Variants in IMMP2L observed in about 807,000 individuals in gnomAD.
IMMP2L encodes mitochondrial inner membrane protease subunit 2.
Under a neutral mutation model 19.3 loss-of-function variants are expected in IMMP2L, and 18 were observed. The ratio of observed to expected loss-of-function variants is 0.93; its 90% confidence interval spans 0.64 to 1.38. IMMP2L has a LOEUF of 1.38. Ranked by LOEUF, IMMP2L falls within the 40% of genes most tolerant of loss-of-function variation. IMMP2L has a pLI of 0.00. For missense variants in IMMP2L, 233 were observed against 218.2 expected (o/e 1.07, Z -0.43); for synonymous variants, 76 against 73.0 (o/e 1.04, Z -0.21).
At chr7:110,786,818 T>A (rs979322512) in intron 5 of IMMP2L, among the ~76,000 whole-genome samples, 4 of 152,030 alleles carry the variant, frequency 2.6e-5, no homozygotes, top group African/African-American at 9.7e-5. Context: ...CCAAAGGGCA[T>A]GTTGGGAATT....
chr7:111,558,895 GTTC>G (rs1175136134), intron 1 of IMMP2L, among the ~76,000 whole-genome samples: 4 of 152,208 alleles, frequency 2.6e-5, no homozygotes, highest in South Asian at 2.1e-4. Flanking sequence ...AATACAATGG[GTTC>G]TTAAGTAAGG....
chr7:111,106,947 A>G (rs373283783), intron 3 of IMMP2L, among the ~76,000 whole-genome samples: 1 of 152,084 alleles, frequency 6.6e-6, no homozygotes, highest in Non-Finnish European at 1.5e-5. Flanking sequence ...CATTTCTAAT[A>G]TGTTATGCAT....
chr7:111,535,205 T>A (rs1184583302), intron 1 of IMMP2L, among the ~76,000 whole-genome samples: 1 of 152,006 alleles, frequency 6.6e-6, no homozygotes, highest in Non-Finnish European at 1.5e-5. Context: ...ATGTATGTCA[T>A]TAATAGGAGA....
At chr7:111,083,170 C>T (rs1445824758) in intron 3 of IMMP2L, among the ~76,000 whole-genome samples, 1 of 151,940 alleles carries the variant, frequency 6.6e-6, no homozygotes, top group African/African-American at 2.4e-5. Flanking sequence ...CAGGACGACA[C>T]AATAATTAGA....
At chr7:110,974,891 T>C (rs892225046) in intron 3 of IMMP2L, among the ~76,000 whole-genome samples, 50 of 152,310 alleles carry the variant, frequency 3.3e-4, no homozygotes, top group African/African-American at 1.2e-3. Context: ...TTTTGTGTTA[T>C]ACGTAGGAGA....
At chr7:111,145,598 AG>A (rs1190455992) in intron 3 of IMMP2L, among the ~76,000 whole-genome samples, 2 of 152,120 alleles carry the variant, frequency 1.3e-5, no homozygotes, top group African/African-American at 4.8e-5. Context: ...AAGATACAAT[AG>A]GAACAGCATG....
intron 3 of IMMP2L, among the ~76,000 whole-genome samples, chr7:111,149,382 G>T (rs1280520453): frequency 6.6e-6 from 1 of 152,106 alleles, no homozygotes; most frequent in African/African-American, 2.4e-5. Context: ...GTTGGCCCTT[G>T]AACAACGTGG....
At chr7:111,150,742 C>T (rs571470378) in intron 3 of IMMP2L, among the ~76,000 whole-genome samples, 6 of 152,128 alleles carry the variant, frequency 3.9e-5, no homozygotes, top group Non-Finnish European at 5.9e-5. Flanking sequence ...CACTTTATGG[C>T]GGAAAATGCA....
At chr7:111,220,009 A>G (rs2129620348) in intron 3 of IMMP2L, among the ~76,000 whole-genome samples, 1 of 152,162 alleles carries the variant, frequency 6.6e-6, no homozygotes, top group Non-Finnish European at 1.5e-5. Context: ...CAGACTACGA[A>G]TTTATGCTCA....
intron 3 of IMMP2L, among the ~76,000 whole-genome samples, chr7:111,088,145 C>T (rs1042434202): frequency 3.9e-5 from 6 of 152,150 alleles, no homozygotes; most frequent in Admixed American, 3.9e-4. Flanking sequence ...CGAATAAAGC[C>T]CAGGATTTGA....
intron 3 of IMMP2L, among the ~76,000 whole-genome samples, chr7:111,233,695 T>C (rs544272792): frequency 6.6e-6 from 1 of 152,220 alleles, no homozygotes; most frequent in African/African-American, 2.4e-5. Flanking sequence ...TTTATTGGCT[T>C]ATTGGTATTT....
At chr7:110,975,607 C>T (rs1820607425) in intron 3 of IMMP2L, among the ~76,000 whole-genome samples, 1 of 152,082 alleles carries the variant, frequency 6.6e-6, no homozygotes, top group Non-Finnish European at 1.5e-5. Context: ...ATTTTCAGGA[C>T]CACAGCTTCT....
chr7:111,281,748 A>G (rs1819908551), intron 3 of IMMP2L, among the ~76,000 whole-genome samples: 2 of 152,174 alleles, frequency 1.3e-5, no homozygotes, highest in Admixed American at 1.3e-4. Context: ...AAGGATAGGA[A>G]ATGACATCAA....
At chr7:111,275,640 T>C (rs1818945704) in intron 3 of IMMP2L, among the ~76,000 whole-genome samples, 1 of 152,186 alleles carries the variant, frequency 6.6e-6, no homozygotes, top group African/African-American at 2.4e-5. Flanking sequence ...TTGCACTGAA[T>C]CGGTAGATTT....
intron 3 of IMMP2L, among the ~76,000 whole-genome samples, chr7:111,335,297 C>A (rs1826286540): frequency 6.6e-6 from 1 of 151,948 alleles, no homozygotes; most frequent in Non-Finnish European, 1.5e-5. Context: ...GGATGACTAC[C>A]AAATATCTCT....
intron 5 of IMMP2L, among the ~76,000 whole-genome samples, chr7:110,857,937 T>C (rs543361773): frequency 2.6e-5 from 4 of 152,208 alleles, no homozygotes; most frequent in African/African-American, 7.2e-5. Flanking sequence ...AGAGATGATA[T>C]ACATTCGCTT....
At chr7:111,445,844 G>C (rs968561318) in intron 3 of IMMP2L, among the ~76,000 whole-genome samples, 2 of 152,168 alleles carry the variant, frequency 1.3e-5, no homozygotes, top group African/African-American at 4.8e-5. Flanking sequence ...AGGCCAGTGG[G>C]TGCGCGCACC....
chr7:111,300,566 A>G (rs767831518), intron 3 of IMMP2L, among the ~76,000 whole-genome samples: 1 of 152,056 alleles, frequency 6.6e-6, no homozygotes, highest in African/African-American at 2.4e-5. Flanking sequence ...CAATTCCATC[A>G]CCACAAGGAT....
Position 110,894,455 on chromosome 7 carries a change from G to T in IMMP2L, c.306-7760C>A, listed in dbSNP as rs928303983. Among the ~76,000 whole-genome samples the T allele has an allele frequency of 3.9e-5, 6 of 152,152 alleles. No individual in the cohort carries two copies. In the South Asian group the frequency reaches 1.0e-3, roughly 26 times the overall value. On this transcript the variant is annotated intron_variant, in intron 4 of 5. Coordinates refer to ENST00000405709, the MANE Select transcript of IMMP2L (RefSeq NM_032549.4). ...TAGGGGCATATAATGGTTTTAATTTGCATTTTCCTAATGACTAATGATTTG... is the reference window on the plus strand; with the variant it reads ...TAGGGGCATATAATGGTTTTAATTTTCATTTTCCTAATGACTAATGATTTG...
Sources: gnomAD v4.1 joint callset for allele counts (sites outside exome capture counted in the v4.1 genomes callset) on GRCh38, gnomAD v4.1.1 for gene constraint, MANE v1.5 for transcripts, NCBI Gene and HGNC (gene_info 2026-07-23, HGNC 2026-07-21) for gene names.